Variants in CNTN4 observed in about 807,000 individuals in gnomAD.
The protein encoded by CNTN4 is contactin-4.
Under a neutral mutation model 122.5 loss-of-function variants are expected in CNTN4, and 77 were observed. The ratio of observed to expected loss-of-function variants is 0.63; its 90% CI spans 0.52 to 0.76. CNTN4 has a LOEUF of 0.76. Among genes scored for constraint, CNTN4 ranks in the 30% least tolerant of loss-of-function variants. CNTN4 has a pLI of 0.00. For missense variants in CNTN4, 1,256 were observed against 1,259.1 expected, an observed-to-expected ratio of 1.00 and a Z score of 0.04; for synonymous variants, 512 against 447.0, an observed-to-expected ratio of 1.15 and a Z score of -1.83.
intron 2 of CNTN4, among the ~76,000 whole-genome samples, chr3:2,288,441 A>G (rs1046793571): frequency 2.0e-5 from 3 of 152,142 alleles, no homozygotes; most frequent in Admixed American, 6.5e-5. Flanking sequence ...ACTCACTACC[A>G]TGAAAATGGC....
At chr3:2,959,632 T>A (rs2094833466) in intron 13 of CNTN4, among the ~76,000 whole-genome samples, 1 of 152,010 alleles carries the variant, frequency 6.6e-6, no homozygotes, top group South Asian at 2.1e-4. Flanking sequence ...GAGAAATCTG[T>A]TTTTTTATTT....
chr3:2,268,563 T>G (rs1198888492), intron 2 of CNTN4, among the ~76,000 whole-genome samples: 1 of 151,308 alleles, frequency 6.6e-6, no homozygotes, highest in Non-Finnish European at 1.5e-5. Context: ...ATTGTAAAAC[T>G]ATAGTCTCAG....
chr3:2,101,171 C>T (rs1270029275), intron 2 of CNTN4, among the ~76,000 whole-genome samples: 1 of 152,118 alleles, frequency 6.6e-6, no homozygotes, highest in African/African-American at 2.4e-5. Flanking sequence ...TTATCATTCA[C>T]TTATTTTACC....
intron 3 of CNTN4, among the ~76,000 whole-genome samples, chr3:2,551,739 G>T (rs1212925205): frequency 6.6e-6 from 1 of 152,060 alleles, no homozygotes; most frequent in Non-Finnish European, 1.5e-5. Context: ...TATCATCAAT[G>T]CTTTTATAAC....
intron 4 of CNTN4, among the ~76,000 whole-genome samples, chr3:2,576,331 C>T (rs1257725325): frequency 6.6e-6 from 1 of 152,116 alleles, no homozygotes; most frequent in Admixed American, 6.6e-5. Flanking sequence ...GACTAGATCT[C>T]CAGTTTCAAG....
chr3:2,673,183 C>T lies in CNTN4; in HGVS notation c.56-63032C>T, dbSNP rs182057701. Among the ~76,000 whole-genome samples the T allele has an allele frequency of 5.4e-4, 82 of 152,232 alleles. No individual in the cohort carries two copies. The South Asian group carries it at 9.1e-3, about 17-fold the overall frequency. ...GGGTTTAAATGCCTGGCCTTAATAA[C>T]TGGAAAACAATGAGAAATCATTTCA... On this transcript the variant is annotated intron_variant, in intron 4 of 24. Coordinates refer to ENST00000418658, the MANE Select transcript of CNTN4 (RefSeq NM_175607.3).
At chr3:2,728,699 C>G (rs1036583127) in intron 4 of CNTN4, among the ~76,000 whole-genome samples, 1 of 152,230 alleles carries the variant, frequency 6.6e-6, no homozygotes, top group Non-Finnish European at 1.5e-5. Flanking sequence ...AAAAAGCTAC[C>G]TACCCTCCAG....
chr3:2,579,522 A>T (rs2079842633), intron 4 of CNTN4, among the ~76,000 whole-genome samples: 1 of 119,730 alleles, frequency 8.4e-6, no homozygotes, highest in South Asian at 3.1e-4. Context: ...TCATCTCCCT[A>T]GGTCATGGGT....
rs118024181 is a variant in CNTN4 at position 2,903,571 on chromosome 3, G to A, written c.1207+566G>A. Reference sequence around the variant, plus strand: ...CTGGTACATACTGAGTGCATCGTCTGCCTGAAACGCTTTTCCTTCCCCTCT... The same window carrying A: ...CTGGTACATACTGAGTGCATCGTCTACCTGAAACGCTTTTCCTTCCCCTCT... On this transcript the variant is annotated intron_variant, in intron 12 of 24. Transcript: ENST00000418658. 2.0e-4 allele frequency among the ~76,000 whole-genome samples: 31 copies of A among 152,254 alleles called. No homozygotes were observed. The East Asian group carries it at 5.8e-3, about 28-fold the overall frequency.
intron 23 of CNTN4, among the ~76,000 whole-genome samples, chr3:3,046,118 A>T (rs368506214): frequency 2.6e-5 from 4 of 152,186 alleles, no homozygotes; most frequent in African/African-American, 9.6e-5. Context: ...CCAAGAAATA[A>T]GGGACTATGT....
At chr3:2,240,709 A>G (rs2039897552) in intron 2 of CNTN4, among the ~76,000 whole-genome samples, 1 of 152,178 alleles carries the variant, frequency 6.6e-6, no homozygotes, top group Non-Finnish European at 1.5e-5. Context: ...GGTAATGTCA[A>G]GCAACGAAGC....
chr3:2,157,720 A>G (rs1344789367), intron 2 of CNTN4, among the ~76,000 whole-genome samples: 1 of 152,228 alleles, frequency 6.6e-6, no homozygotes, highest in Non-Finnish European at 1.5e-5. Flanking sequence ...TAACTTTTAC[A>G]CTTTATACCA....
chr3:2,173,733 T>C (rs1023281644), intron 2 of CNTN4, among the ~76,000 whole-genome samples: 5 of 152,072 alleles, frequency 3.3e-5, no homozygotes, highest in South Asian at 2.1e-4. Flanking sequence ...ATTTGTTAAA[T>C]AGAAATAATA....
rs1330779328 is a variant in CNTN4, at chr3:2,819,551, C to T, written c.424C>T (p.Leu142=). 2 of 1,613,964 alleles carry T rather than the reference C, an allele frequency of 1.2e-6. No homozygotes were observed. Among genetic ancestry groups the T allele is most frequent in the Non-Finnish European group, 1.7e-6 (2 of 1,179,824 alleles). ...TGTCCGTCGAGGTCAAGGAATGGTG[C>T]TACTGTGTGGCCCGCCACCCCATTC... ...VSVRRGQGMV[L]LCGPPPHSGE... is the part of the protein sequence containing the mutation. The change falls in exon 7 of 25, where the codon CTA becomes TTA. Residue 142 remains leucine (L), a synonymous_variant. Coordinates refer to ENST00000418658, the MANE Select transcript of CNTN4 (RefSeq NM_175607.3).
intron 3 of CNTN4, among the ~76,000 whole-genome samples, chr3:2,340,704 T>TAC (rs1211078887): frequency 5.6e-5 from 1 of 17,810 alleles, no homozygotes; most frequent in Non-Finnish European, 1.9e-4. Context: ...TATATATATA[T>TAC]ATATATAGAG....
At chr3:2,893,627 G>A (rs2094070804) in intron 10 of CNTN4, among the ~76,000 whole-genome samples, 1 of 152,006 alleles carries the variant, frequency 6.6e-6, no homozygotes, top group Non-Finnish European at 1.5e-5. Context: ...CAGGAGTGGA[G>A]GCATAAAGTC....
intron 2 of CNTN4, chr3:2,262,502 A>C (rs1039185879): frequency 1.3e-5 from 2 of 152,126 alleles, no homozygotes; most frequent in Non-Finnish European, 2.9e-5. Flanking sequence ...CCTGTCTTAT[A>C]ATCTCTCTGT....
At chr3:2,555,016 T>C (rs189314225) in intron 3 of CNTN4, among the ~76,000 whole-genome samples, 49 of 152,348 alleles carry the variant, frequency 3.2e-4, no homozygotes, top group Admixed American at 1.4e-3. Flanking sequence ...AAGTGATCTG[T>C]CTCTGTTGGC....
chr3:3,031,009 A>G (rs1699114230), intron 16 of CNTN4, 34 bp downstream of exon 16: 3 of 1,613,736 alleles, frequency 1.9e-6, no homozygotes, highest in South Asian at 1.1e-5. Context: ...TGTTCTTGAA[A>G]TATTTTCATG....
Sources: allele counts gnomAD v4.1 joint callset (sites outside exome capture counted in the v4.1 genomes callset), GRCh38; gene constraint gnomAD v4.1.1; transcripts MANE v1.5; gene names NCBI Gene and HGNC (gene_info 2026-07-23, HGNC 2026-07-21).